The following RBFOX1 variants were observed in gnomAD, a reference collection of about 807,000 sequenced individuals.
RBFOX1 encodes RNA binding fox-1 homolog 1.
In RBFOX1, 8 loss-of-function variants were observed where a neutral mutation model predicts 57.7. That is an observed-to-expected ratio of 0.14 (90% CI 0.08 to 0.25). The LOEUF (loss-of-function observed/expected upper bound fraction) is 0.25, where lower values mean the gene tolerates loss of function less well. Among genes scored for constraint, RBFOX1 ranks in the 10% least tolerant of loss-of-function variants. The pLI is 1.00. For missense variants in RBFOX1, 611 were observed against 548.5 expected (o/e 1.11, Z -1.14); for synonymous variants, 326 against 222.4 (o/e 1.47, Z -4.15).
intron 4 of RBFOX1, among the ~76,000 whole-genome samples, chr16:5,982,813 A>G (rs1206232709): frequency 6.6e-6 from 1 of 152,218 alleles, no homozygotes; most frequent in Non-Finnish European, 1.5e-5. Flanking sequence ...TAGAACGTAA[A>G]TACCTGGAAT....
Position 5,650,130 on chromosome 16 carries a change from C to G in RBFOX1, c.318+51169C>G, listed in dbSNP as rs576099673. ...CTCTCAATAACCTCTGTGGTTTCGA[C>G]AGGGACTCAACAGCCTCCAGCCCCC... On this transcript the variant is annotated intron_variant, in intron 3 of 19. Coordinates refer to the RBFOX1 transcript ENST00000641259. Among the ~76,000 whole-genome samples the G allele has an allele frequency of 1.5e-3, 223 of 152,308 alleles. 1 individual carries two copies. The highest frequency in any genetic ancestry group is 4.9e-3 in the African/African-American group (204 of 41,562).
At chr16:6,342,569 T>C (rs1280089115) in intron 2 of RBFOX1, among the ~76,000 whole-genome samples, 2 of 152,072 alleles carry the variant, frequency 1.3e-5, no homozygotes, top group African/African-American at 4.8e-5. Context: ...GAAGAAGTAA[T>C]GAAGTTAGGT....
chr16:6,983,140 T>A (rs548062952), intron 3 of RBFOX1, among the ~76,000 whole-genome samples: 1 of 152,190 alleles, frequency 6.6e-6, no homozygotes, highest in East Asian at 1.9e-4. Context: ...AGCTGTTCCA[T>A]TGACAGCTTC....
chr16:7,696,415 C>A (rs76243599), intron 14 of RBFOX1, among the ~76,000 whole-genome samples: 1 of 151,826 alleles, frequency 6.6e-6, no homozygotes. Flanking sequence ...CCTTCTTAGA[C>A]GGGAGGTCTC....
At chr16:6,559,856 A>G (rs538016564) in intron 2 of RBFOX1, among the ~76,000 whole-genome samples, 2 of 152,242 alleles carry the variant, frequency 1.3e-5, no homozygotes, top group East Asian at 1.9e-4. Flanking sequence ...TTATCTGCCT[A>G]AAGTCTGGAC....
chr16:7,372,590 G>C (rs2097588166), intron 4 of RBFOX1, among the ~76,000 whole-genome samples: 1 of 152,146 alleles, frequency 6.6e-6, no homozygotes, highest in Non-Finnish European at 1.5e-5. Flanking sequence ...TAGGAAGAAG[G>C]AGTTTCAGAA....
At chr16:5,831,662 G>A (rs1022541513) in intron 3 of RBFOX1, among the ~76,000 whole-genome samples, 3 of 151,832 alleles carry the variant, frequency 2.0e-5, no homozygotes, top group Non-Finnish European at 4.4e-5. Context: ...GCTAATTTTT[G>A]TATTTTGGTA....
At chr16:6,912,642 G>A (rs1377701782) in intron 3 of RBFOX1, among the ~76,000 whole-genome samples, 16 of 147,164 alleles carry the variant, frequency 1.1e-4, no homozygotes, top group Non-Finnish European at 4.5e-5. Flanking sequence ...TTTTTGCAAG[G>A]TCTCACTGTG....
intron 3 of RBFOX1, among the ~76,000 whole-genome samples, chr16:6,824,983 G>GTTTTTTTTTTTTTTTTTTTTTTTTTTTTT (rs151177772): frequency 5.4e-5 from 2 of 36,912 alleles, no homozygotes; most frequent in African/African-American, 7.2e-5. Context: ...TTCTTTCTTG[G>GTTTTTTTTTTTTTTTTTTTTTTTTTTTTT]TTTTTTTTTT....
At chr16:5,617,110 C>T (rs1421776353) in intron 3 of RBFOX1, among the ~76,000 whole-genome samples, 2 of 151,866 alleles carry the variant, frequency 1.3e-5, no homozygotes, top group East Asian at 1.9e-4. Flanking sequence ...TCCTTCCCTC[C>T]CTCCGTCCGT....
At position 7,078,292 on chromosome 16, in the gene RBFOX1, C is replaced by T. The variant is rs569153092; in HGVS notation, c.27+26194C>T. On this transcript the variant is annotated intron_variant, in intron 4 of 15. Transcript: ENST00000550418. ...GAAACCACCTTAGGAAGTGACCTAA[C>T]CCAGAAATGGTTTATCTTTGTAAAA... 2.0e-5 allele frequency among the ~76,000 whole-genome samples: 3 copies of T among 152,282 alleles called. No individual in the cohort carries two copies. In the East Asian group the frequency reaches 5.8e-4, roughly 29 times the overall value.
At chr16:7,158,884 T>C (rs2077700870) in intron 4 of RBFOX1, among the ~76,000 whole-genome samples, 1 of 152,088 alleles carries the variant, frequency 6.6e-6, no homozygotes, top group African/African-American at 2.4e-5. Flanking sequence ...GTGGTGTGTC[T>C]TTGCACACGT....
chr16:6,459,131 C>T (rs979152919), intron 2 of RBFOX1, among the ~76,000 whole-genome samples: 11 of 152,118 alleles, frequency 7.2e-5, no homozygotes, highest in East Asian at 5.8e-4. Flanking sequence ...GTCAGCAGAT[C>T]GAGACCATCC....
In RBFOX1 at chr16:6,697,777, A is replaced by C. The variant is rs544742523; in HGVS notation, c.-16+43127A>C. 5.3e-5 allele frequency among the ~76,000 whole-genome samples: 8 copies of C among 152,326 alleles called. No homozygotes were observed. The South Asian group carries it at 1.4e-3, about 28-fold the overall frequency. On this transcript the variant is annotated intron_variant, in intron 3 of 15. Coordinates refer to ENST00000550418, the MANE Select transcript of RBFOX1 (RefSeq NM_018723.4). ...AACAGATACTGAGCAAACCAGATCA[A>C]CAGAAGACCCAACCTTGGTATTGGA...
intron 3 of RBFOX1, among the ~76,000 whole-genome samples, chr16:5,864,498 TC>T (rs2057299378): frequency 6.6e-6 from 1 of 152,010 alleles, no homozygotes; most frequent in Non-Finnish European, 1.5e-5. Flanking sequence ...CACATATGCA[TC>T]TATTGTGTGT....
intron 3 of RBFOX1, among the ~76,000 whole-genome samples, chr16:6,768,626 T>C (rs2077763645): frequency 6.6e-6 from 1 of 151,832 alleles, no homozygotes; most frequent in African/African-American, 2.4e-5. Context: ...TTGGTTTAAA[T>C]ATCGCCTACC....
intron 4 of RBFOX1, among the ~76,000 whole-genome samples, chr16:7,374,203 G>C (rs987466781): frequency 1.3e-5 from 2 of 152,110 alleles, no homozygotes; most frequent in Middle Eastern, 3.4e-3. Context: ...TGAATTTTGG[G>C]GATTCAATAT....
chr16:6,889,665 C>G (rs772056019), intron 3 of RBFOX1, among the ~76,000 whole-genome samples: 3 of 152,156 alleles, frequency 2.0e-5, no homozygotes, highest in Non-Finnish European at 4.4e-5. Context: ...CCAGCTTCCA[C>G]CATGTAGTCC....
At chr16:6,103,757 C>G (rs1356768184) in intron 1 of RBFOX1, among the ~76,000 whole-genome samples, 2 of 152,112 alleles carry the variant, frequency 1.3e-5, no homozygotes, top group African/African-American at 4.8e-5. Flanking sequence ...TTGGCCAGAA[C>G]CAGTCATGTG....
Sources: gnomAD v4.1 joint callset for allele counts (sites outside exome capture counted in the v4.1 genomes callset) on GRCh38, gnomAD v4.1.1 for gene constraint, MANE v1.5 for transcripts, NCBI Gene and HGNC (gene_info 2026-07-23, HGNC 2026-07-21) for gene names.